The following PANX1 variants were observed in gnomAD, a reference collection of about 807,000 sequenced individuals.
PANX1 encodes pannexin 1.
In PANX1, 30 loss-of-function variants were observed where a neutral mutation model predicts 38.7. The observed-to-expected ratio is 0.78, with a 90% confidence interval of 0.58 to 1.05. The LOEUF (loss-of-function observed/expected upper bound fraction) is 1.05. Among genes scored for constraint, PANX1 ranks in the 50% least tolerant of loss-of-function variants. The pLI, the probability that PANX1 is intolerant of heterozygous loss-of-function variation, is 0.00. For missense variants in PANX1, 551 were observed against 517.2 expected (o/e 1.07, Z -0.63); for synonymous variants, 230 against 212.2 (o/e 1.08, Z -0.73).
chr11:94,178,021 C>A (rs777652357), intron 2 of PANX1, among the ~76,000 whole-genome samples: 4 of 148,316 alleles, frequency 2.7e-5, no homozygotes, highest in Middle Eastern at 7.1e-3. Context: ...CCAGCAGAAG[C>A]CTTCGTGATA....
At chr11:94,147,931 C>A (rs1475030802) in intron 1 of PANX1, among the ~76,000 whole-genome samples, 1 of 152,076 alleles carries the variant, frequency 6.6e-6, no homozygotes. Flanking sequence ...TCTTGTAATT[C>A]ATTTAAAAGG....
At chr11:94,160,859 G>A (rs1374842168) in intron 2 of PANX1, among the ~76,000 whole-genome samples, 1 of 152,130 alleles carries the variant, frequency 6.6e-6, no homozygotes, top group Non-Finnish European at 1.5e-5. Flanking sequence ...GCATTGGCTG[G>A]TACCATTTGT....
chr11:94,140,996 C>T (rs1591507118), intron 1 of PANX1, among the ~76,000 whole-genome samples: 1 of 151,912 alleles, frequency 6.6e-6, no homozygotes, highest in Admixed American at 6.5e-5. Flanking sequence ...TTGTAATATC[C>T]CACATCAGTA....
At chr11:94,173,026 A>C (rs2134519254) in intron 2 of PANX1, among the ~76,000 whole-genome samples, 1 of 151,742 alleles carries the variant, frequency 6.6e-6, no homozygotes, top group South Asian at 2.1e-4. Flanking sequence ...CTTCTCAGGG[A>C]GTGCACATTA....
At chr11:94,173,855 C>T (rs370833157) in intron 2 of PANX1, among the ~76,000 whole-genome samples, 1 of 151,714 alleles carries the variant, frequency 6.6e-6, no homozygotes, top group Non-Finnish European at 1.5e-5. Flanking sequence ...TTGTGAGTTT[C>T]CTAGATCTGC....
At chr11:94,156,165 T>G (rs928970528) in intron 2 of PANX1, among the ~76,000 whole-genome samples, 2 of 152,180 alleles carry the variant, frequency 1.3e-5, no homozygotes, top group Non-Finnish European at 2.9e-5. Context: ...AAGGGAACTT[T>G]GAGGGATCTA....
chr11:94,180,313 C>A, intron 4 of PANX1, 56 bp downstream of exon 4: 1 of 1,397,106 alleles, frequency 7.2e-7, no homozygotes, highest in Non-Finnish European at 9.8e-7. Context: ...TTTGCAGCAG[C>A]CTTGTGGGAA....
At chr11:94,164,795 T>C (rs1317747655) in intron 2 of PANX1, among the ~76,000 whole-genome samples, 1 of 152,236 alleles carries the variant, frequency 6.6e-6, no homozygotes, top group Non-Finnish European at 1.5e-5. Flanking sequence ...CGACTATTAT[T>C]ATATTGGGCT....
At chr11:94,130,662 G>A (rs1279911503) in intron 1 of PANX1, among the ~76,000 whole-genome samples, 1 of 152,194 alleles carries the variant, frequency 6.6e-6, no homozygotes, top group Admixed American at 6.5e-5. Context: ...GGTGTGAAGA[G>A]TGGAAGAAAA....
At chr11:94,164,685 C>G (rs1947083190) in intron 2 of PANX1, among the ~76,000 whole-genome samples, 1 of 152,204 alleles carries the variant, frequency 6.6e-6, no homozygotes, top group African/African-American at 2.4e-5. Context: ...CTGTAAATGT[C>G]TGTTAGGTAT....
chr11:94,141,492 A>T (rs1245107709), intron 1 of PANX1, among the ~76,000 whole-genome samples: 1 of 151,946 alleles, frequency 6.6e-6, no homozygotes. Flanking sequence ...GGGATGTTTG[A>T]TCCTAGAGAG....
chr11:94,177,189 C>A (rs1189653506), intron 2 of PANX1, among the ~76,000 whole-genome samples: 1 of 150,844 alleles, frequency 6.6e-6, no homozygotes, highest in African/African-American at 2.5e-5. Context: ...GTGAACTTGG[C>A]GGTTCCAAGA....
At chr11:94,160,690 C>A (rs529691298) in intron 2 of PANX1, among the ~76,000 whole-genome samples, 1 of 152,276 alleles carries the variant, frequency 6.6e-6, no homozygotes, top group South Asian at 2.1e-4. Flanking sequence ...ATTTGCCAGT[C>A]TGTGTCTTTT....
chr11:94,158,004 C>G (rs1004453902), intron 2 of PANX1, among the ~76,000 whole-genome samples: 1 of 152,150 alleles, frequency 6.6e-6, no homozygotes, highest in Non-Finnish European at 1.5e-5. Context: ...ATAGGGAATC[C>G]TTTCCCCATT....
At chr11:94,157,606 T>G (rs1284418586) in intron 2 of PANX1, among the ~76,000 whole-genome samples, 1 of 152,168 alleles carries the variant, frequency 6.6e-6, no homozygotes, top group Non-Finnish European at 1.5e-5. Context: ...CTTGTAAATT[T>G]GTTTGAGTTC....
At chr11:94,158,820 T>C (rs911108179) in intron 2 of PANX1, among the ~76,000 whole-genome samples, 1 of 152,208 alleles carries the variant, frequency 6.6e-6, no homozygotes, top group African/African-American at 2.4e-5. Flanking sequence ...CATCCCTGTC[T>C]TGTGCCAGTT....
chr11:94,140,797 A>C (rs933672421), intron 1 of PANX1, among the ~76,000 whole-genome samples: 2 of 152,238 alleles, frequency 1.3e-5, no homozygotes, highest in Admixed American at 1.3e-4. Context: ...TAAAACTGAC[A>C]GACTTAAAAA....
intron 1 of PANX1, among the ~76,000 whole-genome samples, chr11:94,136,499 G>C (rs908998292): frequency 2.6e-5 from 4 of 152,130 alleles, no homozygotes; most frequent in Non-Finnish European, 5.9e-5. Context: ...GATACATATC[G>C]GCCGGGCGCG....
chr11:94,167,199 C>T (rs929303796), intron 2 of PANX1, among the ~76,000 whole-genome samples: 4 of 152,086 alleles, frequency 2.6e-5, no homozygotes, highest in East Asian at 1.9e-4. Flanking sequence ...TTCAAGCACA[C>T]GGATTCTTCT....
Sources: allele counts gnomAD v4.1 joint callset (sites outside exome capture counted in the v4.1 genomes callset), GRCh38; gene constraint gnomAD v4.1.1; transcripts MANE v1.5; gene names NCBI Gene and HGNC (gene_info 2026-07-23, HGNC 2026-07-21).